The following MAP6 variants were observed in gnomAD, a reference collection of about 807,000 sequenced individuals.
MAP6 encodes microtubule associated protein 6.
A neutral mutation model predicts 42.4 loss-of-function variants in MAP6; 26 were observed. The observed-to-expected ratio is 0.61, with a 90% CI of 0.45 to 0.85. The LOEUF (loss-of-function observed/expected upper bound fraction) is 0.85, where lower values mean the gene tolerates loss of function less well. Ranked by LOEUF, MAP6 falls within the 40% of genes least tolerant of loss-of-function variation. The pLI, the probability that MAP6 is intolerant of heterozygous loss-of-function variation, is 0.00. For missense variants in MAP6, 966 were observed against 1,099.0 expected, an observed-to-expected ratio of 0.88 and a Z score of 1.71; for synonymous variants, 418 against 443.8, an observed-to-expected ratio of 0.94 and a Z score of 0.73.
chr11:75,634,069 C>T (rs923691616), intron 1 of MAP6, among the ~76,000 whole-genome samples: 3 of 152,132 alleles, frequency 2.0e-5, no homozygotes, highest in Non-Finnish European at 4.4e-5. Context: ...AAGATTATGA[C>T]GGGGTGGGCG....
chr11:75,629,278 G>C (rs1028946718), intron 1 of MAP6, among the ~76,000 whole-genome samples: 2 of 152,010 alleles, frequency 1.3e-5, no homozygotes, highest in Admixed American at 6.6e-5. Flanking sequence ...AGTAGAGATG[G>C]GGTTTCACCA....
chr11:75,618,654 G>C (rs1943046737), intron 1 of MAP6, among the ~76,000 whole-genome samples: 1 of 152,078 alleles, frequency 6.6e-6, no homozygotes. Flanking sequence ...CCTCTCACCT[G>C]CTTCCTCAGA....
In MAP6 at chr11:75,661,512, A is replaced by C. The variant is rs56097825; in HGVS notation, c.905+5953T>G. On this transcript the variant is annotated intron_variant, in intron 1 of 3. Coordinates refer to ENST00000304771, the MANE Select transcript of MAP6 (RefSeq NM_033063.2). ...TTTATCTAAACAAGATTTATCCCAG[A>C]AATGCAAAGATGGTTCAATATGAGA... is the stretch of plus-strand genomic sequence containing the variant. Among the ~76,000 whole-genome samples the C allele has an allele frequency of 2.9e-3, 444 of 152,252 alleles. 3 individuals carry two copies. Among genetic ancestry groups the C allele is most frequent in the African/African-American group, 9.1e-3 (378 of 41,582 alleles).
intron 1 of MAP6, among the ~76,000 whole-genome samples, chr11:75,639,231 C>T (rs1943420814): frequency 6.6e-6 from 1 of 152,090 alleles, no homozygotes; most frequent in South Asian, 2.1e-4. Context: ...ACACTAAAAG[C>T]CTAGACTTCA....
intron 1 of MAP6, among the ~76,000 whole-genome samples, chr11:75,622,943 G>T (rs1223647010): frequency 6.6e-6 from 1 of 152,176 alleles, no homozygotes; most frequent in Non-Finnish European, 1.5e-5. Context: ...CCATGTGACA[G>T]TATTCATATC....
chr11:75,605,581 G>C, intron 3 of MAP6: 2 of 1,326,732 alleles, frequency 1.5e-6, no homozygotes, highest in Non-Finnish European at 1.9e-6. Context: ...AACGCTTCCT[G>C]GTGCTCCAGG....
chr11:75,618,314 A>C (rs1943038715), intron 1 of MAP6, among the ~76,000 whole-genome samples: 1 of 152,122 alleles, frequency 6.6e-6, no homozygotes, highest in Admixed American at 6.5e-5. Context: ...AAAATTATAA[A>C]ATTGACTCTT....
chr11:75,605,017 A>G (rs202247570), intron 3 of MAP6: 1 of 985,384 alleles, frequency 1.0e-6, no homozygotes, highest in Non-Finnish European at 1.2e-6. Context: ...AACCAGCAGC[A>G]TTGGACAGGT....
At chr11:75,599,877 C>T in intron 3 of MAP6, among the ~76,000 whole-genome samples, 1 of 152,208 alleles carries the variant, frequency 6.6e-6, no homozygotes, top group East Asian at 1.9e-4. Flanking sequence ...TTCCCTTTCT[C>T]CTCTGTTACA....
intron 1 of MAP6, among the ~76,000 whole-genome samples, chr11:75,624,713 G>A (rs1463588689): frequency 6.6e-6 from 1 of 152,214 alleles, no homozygotes; most frequent in Admixed American, 6.5e-5. Context: ...GCACAAGTCA[G>A]CATAATGCAT....
chr11:75,664,241 A>T (rs888834920), intron 1 of MAP6, among the ~76,000 whole-genome samples: 26 of 152,264 alleles, frequency 1.7e-4, no homozygotes, highest in African/African-American at 6.3e-4. Context: ...GTTTGTGAAT[A>T]ATCCCAAAGC....
At chr11:75,661,490 A>C (rs1943844060) in intron 1 of MAP6, among the ~76,000 whole-genome samples, 1 of 152,118 alleles carries the variant, frequency 6.6e-6, no homozygotes, top group Non-Finnish European at 1.5e-5. Context: ...ATATATTTTT[A>C]TCTAAACAAG....
intron 1 of MAP6, among the ~76,000 whole-genome samples, chr11:75,611,639 TAAAAGA>T (rs1942899389): frequency 6.6e-6 from 1 of 152,160 alleles, no homozygotes; most frequent in Admixed American, 6.5e-5. Flanking sequence ...AAATAAAAAA[TAAAAGA>T]AAAAGAACTT....
At chr11:75,593,498 A>G (rs1046915230) in intron 3 of MAP6, among the ~76,000 whole-genome samples, 1 of 152,188 alleles carries the variant, frequency 6.6e-6, no homozygotes, top group African/African-American at 2.4e-5. Flanking sequence ...GGATGGTGAA[A>G]GGACTTCACT....
intron 1 of MAP6, among the ~76,000 whole-genome samples, chr11:75,645,762 T>G (rs1037897396): frequency 1.3e-5 from 2 of 151,840 alleles, no homozygotes; most frequent in Non-Finnish European, 2.9e-5. Context: ...CTTCTAGAAA[T>G]GAAGTATCAT....
chr11:75,658,404 C>T (rs633998), intron 1 of MAP6, among the ~76,000 whole-genome samples: 31,354 of 151,640 alleles, frequency 0.21, 3,939 homozygotes, highest in African/African-American at 0.34. Flanking sequence ...CCACCCCCCC[C>T]GCCCCAGACA....
chr11:75,640,219 A>G (rs1322000502), intron 1 of MAP6, among the ~76,000 whole-genome samples: 1 of 144,390 alleles, frequency 6.9e-6, no homozygotes, highest in Non-Finnish European at 1.5e-5. Context: ...ACACACATAC[A>G]CACACACTCT....
intron 1 of MAP6, among the ~76,000 whole-genome samples, chr11:75,663,938 C>T (rs575488536): frequency 6.6e-6 from 1 of 152,322 alleles, no homozygotes; most frequent in African/African-American, 2.4e-5. Flanking sequence ...CTCCTGGTGC[C>T]TCAGCTGGTT....
chr11:75,636,029 T>A (rs1943363353), intron 1 of MAP6: 1 of 152,186 alleles, frequency 6.6e-6, no homozygotes, highest in Non-Finnish European at 1.5e-5. Flanking sequence ...TGGGTGGGAG[T>A]GAGGGGTTTG....
Sources: gnomAD v4.1 joint callset for allele counts (sites outside exome capture counted in the v4.1 genomes callset) on GRCh38, gnomAD v4.1.1 for gene constraint, MANE v1.5 for transcripts, NCBI Gene and HGNC (gene_info 2026-07-23, HGNC 2026-07-21) for gene names.